RAB27A: variants seen among roughly 807,000 people sequenced by gnomAD.
RAB27A encodes the protein RAB27A, member RAS oncogene family, also known as ras-related protein Rab-27A.
RAB27A carries 17 observed loss-of-function variants against 20.8 expected under a neutral mutation model. That is an observed-to-expected ratio of 0.82 (90% CI 0.56 to 1.23). The LOEUF (loss-of-function observed/expected upper bound fraction) is 1.23, where lower values mean the gene tolerates loss of function less well. Ranked by LOEUF, RAB27A falls within the 50% of genes most tolerant of loss-of-function variation. The pLI is 0.00. For missense variants in RAB27A, 277 were observed against 266.7 expected (o/e 1.04, Z -0.27); for synonymous variants, 85 against 92.8 (o/e 0.92, Z 0.48).
chr15:55,264,252 T>C (rs1368429724), intron 2 of RAB27A, among the ~76,000 whole-genome samples: 2 of 152,222 alleles, frequency 1.3e-5, no homozygotes, highest in African/African-American at 4.8e-5. Flanking sequence ...GGTTTCGCCA[T>C]GTTGCCCAGG....
At chr15:55,286,186 T>G (rs1429078182) in intron 1 of RAB27A, among the ~76,000 whole-genome samples, 1 of 152,180 alleles carries the variant, frequency 6.6e-6, no homozygotes, top group African/African-American at 2.4e-5. Context: ...GGTTAGTACT[T>G]GGATGGGAGA....
At chr15:55,261,365 C>T (rs1897261311) in intron 2 of RAB27A, among the ~76,000 whole-genome samples, 2 of 151,682 alleles carry the variant, frequency 1.3e-5, no homozygotes, top group South Asian at 4.2e-4. Context: ...CCACTGCACT[C>T]CAGCCTGGGT....
At chr15:55,207,377 C>T (rs1894702983) in intron 6 of RAB27A, among the ~76,000 whole-genome samples, 4 of 152,162 alleles carry the variant, frequency 2.6e-5, no homozygotes, top group Admixed American at 2.0e-4. Flanking sequence ...TCCCTCAGTC[C>T]TTAGGGCAAC....
intron 1 of RAB27A, among the ~76,000 whole-genome samples, chr15:55,288,682 T>C (rs1253384909): frequency 1.3e-5 from 2 of 151,646 alleles, no homozygotes; most frequent in South Asian, 2.1e-4. Flanking sequence ...TAAAACAACA[T>C]AAACCAACAT....
At chr15:55,209,597 G>C (rs1358650645) in intron 6 of RAB27A, among the ~76,000 whole-genome samples, 3 of 151,782 alleles carry the variant, frequency 2.0e-5, no homozygotes, top group Non-Finnish European at 4.4e-5. Flanking sequence ...CAATAAACAT[G>C]GGAGTACAGA....
chr15:55,281,538 C>T (rs958475880), intron 1 of RAB27A, among the ~76,000 whole-genome samples: 2 of 152,052 alleles, frequency 1.3e-5, no homozygotes, highest in Admixed American at 1.3e-4. Context: ...ATAGTAAAAC[C>T]CCATCTCTAT....
chr15:55,259,911 T>C (rs1000763491), intron 2 of RAB27A: 2 of 152,214 alleles, frequency 1.3e-5, no homozygotes, highest in African/African-American at 4.8e-5. Context: ...CTGTTACGAC[T>C]GGTACCCACC....
chr15:55,303,121 G>A (rs1162814292), intron 2 of RAB27A, among the ~76,000 whole-genome samples: 45 of 126,836 alleles, frequency 3.5e-4, no homozygotes, highest in African/African-American at 8.2e-4. Context: ...CGTGCCGTCC[G>A]GGAGGGAGGT....
At chr15:55,234,717 A>G in intron 3 of RAB27A, 65 bp downstream of exon 3, 2 of 1,522,934 alleles carry the variant, frequency 1.3e-6, no homozygotes, top group Non-Finnish European at 9.1e-7. Flanking sequence ...TACAAAGTAA[A>G]CTAAACAGAC....
intron 2 of RAB27A, among the ~76,000 whole-genome samples, chr15:55,303,499 C>T (rs1293732174): frequency 3.9e-5 from 2 of 51,898 alleles, no homozygotes; most frequent in Admixed American, 1.5e-4. Flanking sequence ...TCTGCCCGGC[C>T]GCCCCTACTG....
chr15:55,319,099 G>A (rs1454942462), exon 1 of RAB27A: 16 of 891,782 alleles, frequency 1.8e-5, no homozygotes, highest in Non-Finnish European at 2.5e-5. Flanking sequence ...ACCGCAAGGA[G>A]GCCACCACGT....
At chr15:55,235,290 A>G (rs1896209450) in intron 2 of RAB27A, among the ~76,000 whole-genome samples, 2 of 152,044 alleles carry the variant, frequency 1.3e-5, no homozygotes, top group South Asian at 4.1e-4. Flanking sequence ...TCTACTGAAA[A>G]TACAAAAATT....
chr15:55,265,637 TAA>T (rs113697268), intron 2 of RAB27A, among the ~76,000 whole-genome samples: 8 of 140,412 alleles, frequency 5.7e-5, no homozygotes, highest in Admixed American at 7.1e-5. Flanking sequence ...TGCTCAAAAT[TAA>T]AAAAAAAAAA....
At chr15:55,257,967 T>C (rs750611861) in intron 2 of RAB27A, among the ~76,000 whole-genome samples, 3 of 150,578 alleles carry the variant, frequency 2.0e-5, no homozygotes, top group Non-Finnish European at 4.4e-5. Flanking sequence ...CACTCCAGGC[T>C]GAGGCACGAG....
At chr15:55,217,223 G>C (rs770840874) in intron 6 of RAB27A, among the ~76,000 whole-genome samples, 3 of 152,130 alleles carry the variant, frequency 2.0e-5, no homozygotes, top group South Asian at 2.1e-4. Context: ...ATTTGAGGCA[G>C]TAAGATTTTC....
At chr15:55,247,268 T>G (rs548241160) in intron 2 of RAB27A, among the ~76,000 whole-genome samples, 126 of 152,060 alleles carry the variant, frequency 8.3e-4, no homozygotes, top group African/African-American at 2.9e-3. Context: ...TTTGGTTATC[T>G]CAGAGTGCCA....
intron 2 of RAB27A, among the ~76,000 whole-genome samples, chr15:55,240,980 T>G (rs888488880): frequency 7.2e-5 from 11 of 152,162 alleles, no homozygotes; most frequent in Non-Finnish European, 1.3e-4. Flanking sequence ...AGGGCTGTTG[T>G]GAGGACTGAG....
At chr15:55,239,268 T>C (rs752055514) in intron 2 of RAB27A, among the ~76,000 whole-genome samples, 14 of 152,208 alleles carry the variant, frequency 9.2e-5, no homozygotes, top group Non-Finnish European at 1.5e-4. Context: ...TAGACCAATA[T>C]AGACTGGTTC....
chr15:55,294,712 A>G (rs2054940537), upstream of RAB27A, among the ~76,000 whole-genome samples: 1 of 152,128 alleles, frequency 6.6e-6, no homozygotes, highest in African/African-American at 2.4e-5. Context: ...TGAATATAAG[A>G]ACTAAAACTC....
Sources: gnomAD v4.1 joint callset for allele counts (sites outside exome capture counted in the v4.1 genomes callset) on GRCh38, gnomAD v4.1.1 for gene constraint, MANE v1.5 for transcripts, NCBI Gene and HGNC (gene_info 2026-07-23, HGNC 2026-07-21) for gene names.